The following PATJ variants were observed in gnomAD, a reference collection of about 807,000 sequenced individuals.
The protein encoded by PATJ is inaD-like protein.
Under a neutral mutation model 224.9 loss-of-function variants are expected in PATJ, and 190 were observed. The observed-to-expected ratio is 0.84, with a 90% CI of 0.75 to 0.95. The LOEUF (loss-of-function observed/expected upper bound fraction) is 0.95. Among genes scored for constraint, PATJ ranks in the 40% least tolerant of loss-of-function variants. PATJ has a pLI of 0.00. For missense variants in PATJ, 2,121 were observed against 2,270.3 expected (o/e 0.93, Z 1.34); for synonymous variants, 769 against 820.3 (o/e 0.94, Z 1.07).
At chr1:61,959,877 G>T (rs956084351) in intron 27 of PATJ, among the ~76,000 whole-genome samples, 1 of 151,980 alleles carries the variant, frequency 6.6e-6, no homozygotes, top group Admixed American at 6.6e-5. Flanking sequence ...TTAAAAATTA[G>T]CCAGGCATGG....
chr1:61,978,919 C>T (rs1644295263), intron 27 of PATJ, among the ~76,000 whole-genome samples: 1 of 152,022 alleles, frequency 6.6e-6, no homozygotes. Context: ...TGTTACTTAG[C>T]AACACCTAAT....
intron 1 of PATJ, among the ~76,000 whole-genome samples, chr1:61,755,752 A>G (rs1385665264): frequency 6.6e-6 from 1 of 152,216 alleles, no homozygotes; most frequent in African/African-American, 2.4e-5. Context: ...TTTGTAAAAT[A>G]CGTTATTAGA....
At chr1:62,004,015 CT>C (rs1183956902) in intron 28 of PATJ, among the ~76,000 whole-genome samples, 1 of 152,204 alleles carries the variant, frequency 6.6e-6, no homozygotes, top group African/African-American at 2.4e-5. Flanking sequence ...CCTCTTGCCA[CT>C]CACTTCCCCT....
intron 28 of PATJ, among the ~76,000 whole-genome samples, chr1:61,993,762 A>T (rs1363273036): frequency 6.6e-6 from 1 of 152,244 alleles, no homozygotes; most frequent in Non-Finnish European, 1.5e-5. Flanking sequence ...ATTTCTGATT[A>T]TATCACAATA....
Position 62,039,838 on chromosome 1 carries a change from C to G in PATJ, c.4032+1789C>G, listed in dbSNP as rs531071586. Among the ~76,000 whole-genome samples, 65 of 152,196 alleles carry G rather than the reference C, an allele frequency of 4.3e-4. 1 individual carries two copies. Among genetic ancestry groups the G allele is most frequent in the African/African-American group, 1.5e-3 (64 of 41,520 alleles). ...TAGCTCCGGTGCCTTATCTACTGGG[C>G]AGTCGAGCTGGTGACTGCTGGTGCC... On this transcript the variant is annotated intron_variant, in intron 30 of 43. Coordinates refer to ENST00000642238, the MANE Select transcript of PATJ (RefSeq NM_001350145.3).
chr1:62,068,403 G>A (rs1656838221), intron 31 of PATJ, among the ~76,000 whole-genome samples: 1 of 152,188 alleles, frequency 6.6e-6, no homozygotes, highest in African/African-American at 2.4e-5. Context: ...GGAACCAGAG[G>A]CCTGCTGCTG....
At chr1:62,070,611 G>A (rs1463529534) in intron 31 of PATJ, among the ~76,000 whole-genome samples, 1 of 152,202 alleles carries the variant, frequency 6.6e-6, no homozygotes, top group Non-Finnish European at 1.5e-5. Context: ...GCACCACCCA[G>A]GGGCTAAGGG....
chr1:61,861,840 T>C (rs889502395), intron 19 of PATJ, among the ~76,000 whole-genome samples, 173 bp downstream of exon 19: 1 of 152,070 alleles, frequency 6.6e-6, no homozygotes, highest in Non-Finnish European at 1.5e-5. Context: ...TAAATAGATA[T>C]AAATGAACTA....
At chr1:61,803,270 G>A (rs1425204052) in intron 12 of PATJ, among the ~76,000 whole-genome samples, 2 of 151,836 alleles carry the variant, frequency 1.3e-5, no homozygotes, top group African/African-American at 4.8e-5. Context: ...TGGCATAACT[G>A]GGCATGCTTA....
intron 30 of PATJ, among the ~76,000 whole-genome samples, chr1:62,048,076 T>C (rs941142953): frequency 6.6e-6 from 1 of 152,180 alleles, no homozygotes; most frequent in East Asian, 1.9e-4. Flanking sequence ...TTTTACTGCC[T>C]GGAGTTGTTT....
Position 61,789,562 on chromosome 1 carries a change from G to A in PATJ, c.1068+1590G>A, listed in dbSNP as rs549946805. On this transcript the variant is annotated intron_variant, in intron 8 of 43. Transcript: ENST00000642238. The stretch of plus-strand genomic sequence containing the variant: ...TCTTGGTGGCTCATGCCTGTAATCC[G>A]AGCACTTTGGGAGGATGAGGTGGGT... Among the ~76,000 whole-genome samples, 5 of 151,196 alleles carry A rather than the reference G, an allele frequency of 3.3e-5. No individual in the cohort carries two copies. In the East Asian group the frequency reaches 7.9e-4, roughly 24 times the overall value.
chr1:61,756,737 C>T (rs1374186490), intron 1 of PATJ, among the ~76,000 whole-genome samples: 1 of 151,652 alleles, frequency 6.6e-6, no homozygotes, highest in Admixed American at 6.6e-5. Context: ...CGCCACCACG[C>T]CCGGATAATT....
chr1:61,842,055 G>A (rs1661181506), intron 17 of PATJ, among the ~76,000 whole-genome samples: 1 of 152,166 alleles, frequency 6.6e-6, no homozygotes, highest in South Asian at 2.1e-4. Context: ...TGCTTTTCAA[G>A]CCTGCAAAGT....
chr1:62,013,377 C>G (rs1465988903), intron 28 of PATJ: 1 of 985,212 alleles, frequency 1.0e-6, no homozygotes, highest in Non-Finnish European at 1.2e-6. Context: ...TTAGTGAAAG[C>G]CTACTCGCAG....
chr1:61,744,605 G>A (rs911145028), intron 1 of PATJ, among the ~76,000 whole-genome samples: 1 of 152,150 alleles, frequency 6.6e-6, no homozygotes, highest in Non-Finnish European at 1.5e-5. Context: ...CCTATTAGGA[G>A]TAAGAGAAAA....
At chr1:62,112,776 G>T (rs1030763360) in intron 34 of PATJ, among the ~76,000 whole-genome samples, 2 of 152,150 alleles carry the variant, frequency 1.3e-5, no homozygotes, top group African/African-American at 4.8e-5. Context: ...TCTGCTCCTC[G>T]ATTTCTCCCT....
At chr1:61,749,138 G>A (rs1645186509) in intron 1 of PATJ, among the ~76,000 whole-genome samples, 1 of 151,256 alleles carries the variant, frequency 6.6e-6, no homozygotes, top group Non-Finnish European at 1.5e-5. Context: ...ACCACGCCCA[G>A]CTATTTTTTT....
chr1:62,152,525 G>A (rs895451792), intron 42 of PATJ, among the ~76,000 whole-genome samples: 8 of 151,928 alleles, frequency 5.3e-5, no homozygotes, highest in Admixed American at 1.3e-4. Flanking sequence ...GGTAGTACAC[G>A]TGTGTAATCC....
At chr1:61,962,490 A>G (rs1681455717) in intron 27 of PATJ, among the ~76,000 whole-genome samples, 1 of 152,218 alleles carries the variant, frequency 6.6e-6, no homozygotes, top group Admixed American at 6.5e-5. Context: ...TTGAAAAAGC[A>G]GATATAAGGC....
Sources: gnomAD v4.1 joint callset for allele counts (sites outside exome capture counted in the v4.1 genomes callset) on GRCh38, gnomAD v4.1.1 for gene constraint, MANE v1.5 for transcripts, NCBI Gene and HGNC (gene_info 2026-07-23, HGNC 2026-07-21) for gene names.